MAGI2: variants seen among roughly 807,000 people sequenced by gnomAD.
MAGI2 encodes the protein membrane associated guanylate kinase, WW and PDZ domain containing 2.
MAGI2 carries 35 observed loss-of-function variants against 133.3 expected under a neutral mutation model. The ratio of observed to expected loss-of-function variants is 0.26; its 90% CI spans 0.20 to 0.35. MAGI2 has a LOEUF of 0.35. Ranked by LOEUF, MAGI2 falls within the 10% of genes least tolerant of loss-of-function variation. The pLI is 1.00. For synonymous variants in MAGI2, 729 were observed against 710.6 expected (o/e 1.03, Z -0.41); for missense variants, 1,636 against 1,863.4 (o/e 0.88, Z 2.25).
chr7:78,696,333 T>A (rs991807518), intron 2 of MAGI2, among the ~76,000 whole-genome samples: 5 of 152,178 alleles, frequency 3.3e-5, no homozygotes, highest in Non-Finnish European at 5.9e-5. Flanking sequence ...CTCAACTGAA[T>A]TAATGTTGTT....
At chr7:78,771,622 C>T (rs2151321090) in intron 2 of MAGI2, among the ~76,000 whole-genome samples, 1 of 152,300 alleles carries the variant, frequency 6.6e-6, no homozygotes, top group Middle Eastern at 3.4e-3. Flanking sequence ...TTCTTTTAAA[C>T]TTGTAAGCAT....
At chr7:78,727,967 T>C (rs1820982935) in intron 2 of MAGI2, among the ~76,000 whole-genome samples, 1 of 152,110 alleles carries the variant, frequency 6.6e-6, no homozygotes, top group South Asian at 2.1e-4. Flanking sequence ...TGATGCACAC[T>C]AAGAAGAAAT....
At chr7:78,680,247 G>A (rs997545263) in intron 2 of MAGI2, among the ~76,000 whole-genome samples, 8 of 152,118 alleles carry the variant, frequency 5.3e-5, no homozygotes, top group African/African-American at 1.9e-4. Flanking sequence ...TAATGTTTAT[G>A]TGCATAAGCT....
At chr7:79,260,617 A>C (rs1385784694) in intron 1 of MAGI2, among the ~76,000 whole-genome samples, 1 of 152,150 alleles carries the variant, frequency 6.6e-6, no homozygotes, top group Non-Finnish European at 1.5e-5. Flanking sequence ...GAACATTGAC[A>C]TGATGCCCCA....
chr7:79,442,289 G>T (rs1014462341), intron 1 of MAGI2, among the ~76,000 whole-genome samples: 1 of 152,156 alleles, frequency 6.6e-6, no homozygotes, highest in Non-Finnish European at 1.5e-5. Context: ...ACTGATAATT[G>T]AAAATTGATG....
chr7:78,529,378 G>A (rs1237886308), intron 3 of MAGI2, among the ~76,000 whole-genome samples: 1 of 152,136 alleles, frequency 6.6e-6, no homozygotes, highest in East Asian at 1.9e-4. Context: ...TATCAGAGTA[G>A]CTCAGAACAT....
intron 10 of MAGI2, among the ~76,000 whole-genome samples, chr7:78,235,016 A>C (rs1790382272): frequency 6.6e-6 from 1 of 152,166 alleles, no homozygotes; most frequent in African/African-American, 2.4e-5. Context: ...GGGGAATTTG[A>C]GACTTACTTG....
intron 3 of MAGI2, among the ~76,000 whole-genome samples, chr7:78,523,440 C>T (rs1166535408): frequency 1.3e-5 from 2 of 151,928 alleles, no homozygotes; most frequent in African/African-American, 4.8e-5. Context: ...GATCGCGCCA[C>T]TGCACTCCAG....
chr7:79,091,065 ATAT>A (rs2129542543), intron 1 of MAGI2, among the ~76,000 whole-genome samples: 1 of 151,942 alleles, frequency 6.6e-6, no homozygotes, highest in South Asian at 2.1e-4. Flanking sequence ...AGTTTAAAAG[ATAT>A]TATTACCTCT....
intron 6 of MAGI2, among the ~76,000 whole-genome samples, chr7:78,483,681 C>T (rs12670134): frequency 2.4e-4 from 37 of 151,730 alleles, no homozygotes; most frequent in Non-Finnish European, 4.4e-4. Context: ...TTTCTGAGTA[C>T]TTCTGACCCG....
chr7:78,548,134 C>A lies in MAGI2; in HGVS notation c.539-26489G>T, dbSNP rs1799023631. On this transcript the variant is annotated intron_variant, in intron 3 of 21. Coordinates refer to ENST00000354212, the MANE Select transcript of MAGI2 (RefSeq NM_012301.4). ...TGACCAACTATCTAGTCAAAACTCC[C>A]ATTTGAGGCATTACAGTTATGCCTG... Among the ~76,000 whole-genome samples, 3 of 152,216 alleles carry A rather than the reference C, an allele frequency of 2.0e-5. No homozygotes were observed. The South Asian group carries it at 6.2e-4, about 32-fold the overall frequency.
intron 1 of MAGI2, among the ~76,000 whole-genome samples, chr7:79,039,996 C>A (rs1292215128): frequency 1.3e-5 from 2 of 151,676 alleles, no homozygotes; most frequent in Admixed American, 6.6e-5. Flanking sequence ...GGCATGGAAA[C>A]ACAAATAGCA....
chr7:79,348,405 T>C (rs17152357), intron 1 of MAGI2, among the ~76,000 whole-genome samples: 47,087 of 151,710 alleles, frequency 0.31, 7,606 homozygotes, highest in Admixed American at 0.38. Flanking sequence ...TGTCTCCATT[T>C]TATTTATTAA....
chr7:78,539,585 TTG>T (rs1231083519), intron 3 of MAGI2, among the ~76,000 whole-genome samples: 1 of 152,174 alleles, frequency 6.6e-6, no homozygotes, highest in Non-Finnish European at 1.5e-5. Flanking sequence ...TATTCACAGG[TTG>T]TGTCATTATT....
At position 78,675,103 on chromosome 7, in the gene MAGI2, T is replaced by G. The variant is rs149206576; in HGVS notation, c.419-47864A>C. Reference sequence around the variant, plus strand: ...CAGTAAGTAAATGTGATATAGTAGTTACATTCAGTATTGCTGGGGGTTACT... The same window carrying G: ...CAGTAAGTAAATGTGATATAGTAGTGACATTCAGTATTGCTGGGGGTTACT... On this transcript the variant is annotated intron_variant, in intron 2 of 21. Coordinates refer to ENST00000354212, the MANE Select transcript of MAGI2 (RefSeq NM_012301.4). 5.2e-3 allele frequency among the ~76,000 whole-genome samples: 799 copies of G among 152,260 alleles called. 14 individuals are homozygous for G. Among genetic ancestry groups the G allele is most frequent in the African/African-American group, 0.018 (752 of 41,574 alleles).
At chr7:78,588,435 G>A (rs1056977518) in intron 3 of MAGI2, among the ~76,000 whole-genome samples, 4 of 152,164 alleles carry the variant, frequency 2.6e-5, no homozygotes, top group Non-Finnish European at 4.4e-5. Context: ...AGGGGGAGGG[G>A]TAGATGGCTG....
At chr7:78,548,596 G>A (rs1363444443) in intron 3 of MAGI2, among the ~76,000 whole-genome samples, 11 of 152,190 alleles carry the variant, frequency 7.2e-5, no homozygotes, top group Admixed American at 7.2e-4. Context: ...TTGGGAGGCT[G>A]AGGCAGGAGA....
chr7:78,316,329 T>C (rs1349098365), intron 9 of MAGI2, among the ~76,000 whole-genome samples: 1 of 152,230 alleles, frequency 6.6e-6, no homozygotes, highest in Non-Finnish European at 1.5e-5. Flanking sequence ...TTAGTGCTGA[T>C]ACAGATACAG....
rs538135240 is a variant in MAGI2 at position 79,267,288 on chromosome 7, A to C, written c.301+185732T>G. ...GTGTCTGACTTTACTGCACTGGGTA[A>C]GGGGACCCCAGTTTGGTTTGTTAAC... On this transcript the variant is annotated intron_variant, in intron 1 of 21. Coordinates refer to ENST00000354212, the MANE Select transcript of MAGI2 (RefSeq NM_012301.4). Among the ~76,000 whole-genome samples the C allele has an allele frequency of 1.2e-4, 19 of 152,220 alleles. No homozygotes were observed. In the South Asian group the frequency reaches 3.9e-3, roughly 32 times the overall value.
Sources: allele counts gnomAD v4.1 joint callset (sites outside exome capture counted in the v4.1 genomes callset), GRCh38; gene constraint gnomAD v4.1.1; transcripts MANE v1.5; gene names NCBI Gene and HGNC (gene_info 2026-07-23, HGNC 2026-07-21).